Variants in RAB31 observed in about 807,000 individuals in gnomAD.
RAB31 encodes ras-related protein Rab-31.
A neutral mutation model predicts 25.6 loss-of-function variants in RAB31; 21 were observed. The observed-to-expected ratio is 0.82, with a 90% confidence interval of 0.58 to 1.18. The LOEUF (loss-of-function observed/expected upper bound fraction) is 1.18. Ranked by LOEUF, RAB31 falls within the 50% of genes most tolerant of loss-of-function variation. RAB31 has a pLI of 0.00. For missense variants in RAB31, 196 were observed against 250.1 expected (o/e 0.78, Z 1.46); for synonymous variants, 87 against 84.0 (o/e 1.04, Z -0.20).
Position 9,724,985 on chromosome 18 carries a change from G to A in RAB31, c.39+16541G>A, listed in dbSNP as rs140860058. Among the ~76,000 whole-genome samples the A allele has an allele frequency of 2.1e-4, 32 of 152,272 alleles. No homozygotes were observed. In the East Asian group the frequency reaches 5.0e-3, roughly 24 times the overall value. ...TTTGTTGCTTACCTGTCTGGTGAGCGGACCGGGCAGGCTGGGTCGGTTGGG... is the reference window on the plus strand; with the variant it reads ...TTTGTTGCTTACCTGTCTGGTGAGCAGACCGGGCAGGCTGGGTCGGTTGGG... On this transcript the variant is annotated intron_variant, in intron 1 of 6. Coordinates refer to ENST00000578921, the MANE Select transcript of RAB31 (RefSeq NM_006868.4).
intron 2 of RAB31, among the ~76,000 whole-genome samples, chr18:9,780,299 T>A (rs914496051): frequency 1.3e-5 from 2 of 152,182 alleles, no homozygotes; most frequent in Non-Finnish European, 2.9e-5. Context: ...TTAATATATT[T>A]TGAACATTTT....
chr18:9,717,183 G>C (rs1168637439), intron 1 of RAB31, among the ~76,000 whole-genome samples: 3 of 152,074 alleles, frequency 2.0e-5, no homozygotes, highest in Non-Finnish European at 2.9e-5. Context: ...AGTCTCAAGT[G>C]ATCCTCCTGC....
intron 5 of RAB31, among the ~76,000 whole-genome samples, chr18:9,833,766 T>C (rs907138229): frequency 2.6e-5 from 4 of 152,212 alleles, no homozygotes; most frequent in Non-Finnish European, 4.4e-5. Flanking sequence ...ACATAAGCCA[T>C]ATCTGATCTA....
rs1251846509 is a variant in RAB31 at position 9,862,545 on chromosome 18, A to C, written c.*3220A>C. On this transcript the variant is annotated 3_prime_UTR_variant, in exon 7 of 7. Transcript: ENST00000578921. ...CTGATTCATACTAATAAATATTTTC[A>C]GTTTTACCGTTTGTCTTTTTCTTAT... 6 of 152,202 alleles carry C rather than the reference A, an allele frequency of 3.9e-5. No individual in the cohort carries two copies. Among genetic ancestry groups the C allele is most frequent in the Non-Finnish European group, 8.8e-5 (6 of 68,026 alleles). The allele number at this position is 152,202 out of a possible 1,614,324, so 9.4% of individuals were successfully genotyped here. A position where few individuals can be genotyped will look rare whatever the true frequency, so the allele number is the denominator to read the frequency against.
intron 1 of RAB31, among the ~76,000 whole-genome samples, chr18:9,749,483 GA>G (rs2068223144): frequency 6.6e-6 from 1 of 152,200 alleles, no homozygotes; most frequent in Non-Finnish European, 1.5e-5. Flanking sequence ...TAGTTTGTGG[GA>G]GAGCTGGGAT....
intron 5 of RAB31, among the ~76,000 whole-genome samples, chr18:9,817,079 C>G (rs779587509): frequency 3.3e-5 from 5 of 152,174 alleles, no homozygotes; most frequent in Non-Finnish European, 7.3e-5. Context: ...ACTTAGTTAT[C>G]TCCCTTCGTT....
At chr18:9,808,602 C>T (rs551136277) in intron 3 of RAB31, among the ~76,000 whole-genome samples, 2 of 152,350 alleles carry the variant, frequency 1.3e-5, no homozygotes, top group African/African-American at 2.4e-5. Context: ...TCTTCTACCC[C>T]TTCTCTCTTT....
intron 1 of RAB31, among the ~76,000 whole-genome samples, chr18:9,711,839 C>G (rs370461416): frequency 6.6e-6 from 1 of 152,242 alleles, no homozygotes; most frequent in Non-Finnish European, 1.5e-5. Context: ...AAATATCACT[C>G]TCACTGGGAA....
At chr18:9,821,611 G>T (rs2068624875) in intron 5 of RAB31, among the ~76,000 whole-genome samples, 1 of 151,914 alleles carries the variant, frequency 6.6e-6, no homozygotes, top group Non-Finnish European at 1.5e-5. Flanking sequence ...GCAAAGTTGT[G>T]GGATACAAAA....
At chr18:9,817,605 A>G (rs1330624435) in intron 5 of RAB31, among the ~76,000 whole-genome samples, 1 of 152,200 alleles carries the variant, frequency 6.6e-6, no homozygotes, top group Admixed American at 6.5e-5. Context: ...CATTACTATT[A>G]GAATGGGAAG....
At chr18:9,744,356 A>G (rs921835) in intron 1 of RAB31, among the ~76,000 whole-genome samples, 141,570 of 152,276 alleles carry the variant, frequency 0.93, 65,995 homozygotes, top group African/African-American at 0.96. Flanking sequence ...AGGAAAAGCA[A>G]AGTTCGTATT....
chr18:9,808,642 T>C (rs2068554317), intron 3 of RAB31, among the ~76,000 whole-genome samples: 1 of 152,246 alleles, frequency 6.6e-6, no homozygotes, highest in Non-Finnish European at 1.5e-5. Context: ...TTGGGCTCTT[T>C]TTGGCATCTG....
At chr18:9,843,071 A>G (rs1426863288) in intron 5 of RAB31, among the ~76,000 whole-genome samples, 1 of 152,222 alleles carries the variant, frequency 6.6e-6, no homozygotes, top group African/African-American at 2.4e-5. Context: ...TGGACTGATT[A>G]GAGGGGCTGA....
chr18:9,835,307 G>C (rs932375827), intron 5 of RAB31, among the ~76,000 whole-genome samples: 1 of 148,832 alleles, frequency 6.7e-6, no homozygotes, highest in Non-Finnish European at 1.5e-5. Context: ...GGTATGATCC[G>C]CTCAGAGGAT....
intron 2 of RAB31, among the ~76,000 whole-genome samples, chr18:9,781,176 CT>C (rs1405323782): frequency 6.6e-6 from 1 of 151,768 alleles, no homozygotes; most frequent in Non-Finnish European, 1.5e-5. Context: ...CAATTTTTAA[CT>C]TTATAAAATT....
intron 1 of RAB31, among the ~76,000 whole-genome samples, chr18:9,722,032 A>C (rs1370924123): frequency 6.6e-6 from 1 of 152,116 alleles, no homozygotes; most frequent in Non-Finnish European, 1.5e-5. Context: ...GTGCCTGGTG[A>C]GTCTGAGGAA....
intron 2 of RAB31, among the ~76,000 whole-genome samples, chr18:9,785,779 G>T (rs1304256854): frequency 6.6e-6 from 1 of 152,206 alleles, no homozygotes; most frequent in East Asian, 1.9e-4. Context: ...TGCCTGTGTA[G>T]GTCGGGCACA....
chr18:9,772,739 C>T (rs2068351558), intron 1 of RAB31, among the ~76,000 whole-genome samples: 1 of 152,182 alleles, frequency 6.6e-6, no homozygotes, highest in African/African-American at 2.4e-5. Context: ...CAGCTGGCCT[C>T]ATGAAAGTGT....
At chr18:9,777,942 A>G (rs1001331830) in intron 2 of RAB31, among the ~76,000 whole-genome samples, 2 of 151,798 alleles carry the variant, frequency 1.3e-5, no homozygotes, top group Non-Finnish European at 2.9e-5. Context: ...TTTAATAGAG[A>G]TGGGGTTTCA....
Sources: allele counts gnomAD v4.1 joint callset (sites outside exome capture counted in the v4.1 genomes callset), GRCh38; gene constraint gnomAD v4.1.1; transcripts MANE v1.5; gene names NCBI Gene and HGNC (gene_info 2026-07-23, HGNC 2026-07-21).